The following TRMO variants were observed in gnomAD, a reference collection of about 807,000 sequenced individuals.
The protein encoded by TRMO is tRNA (adenine(37)-N6)-methyltransferase.
TRMO carries 30 observed loss-of-function variants against 37.2 expected under a neutral mutation model. The observed-to-expected ratio is 0.81, with a 90% CI of 0.60 to 1.09. The LOEUF is 1.09. Ranked by LOEUF, TRMO falls within the 50% of genes least tolerant of loss-of-function variation. TRMO has a pLI of 0.00. For synonymous variants in TRMO, 239 were observed against 199.4 expected (o/e 1.20, Z -1.67); for missense variants, 552 against 549.5 (o/e 1.00, Z -0.05).
At chr9:97,919,111 A>G (rs1207105133) in intron 1 of TRMO, among the ~76,000 whole-genome samples, 1 of 152,164 alleles carries the variant, frequency 6.6e-6, no homozygotes, top group Non-Finnish European at 1.5e-5. Flanking sequence ...CATTGTTTTT[A>G]GTTTTTTGTT....
In TRMO at chr9:97,910,174, A is replaced by G. The variant is rs769712738; in HGVS notation, c.852T>C (p.Gly284=). Residue 284 remains glycine (G), a synonymous_variant, in exon 4 of 5, where the codon GGT becomes GGC. Transcript: ENST00000375119. ...CCACTCTTTCTAGCTTCTTGTCTGT[A>G]CCTTTCTCTGAAAAGCTCTTCTCTG... ...YCPEKSFSEK[G]TDKKLERVEG... The G allele has an allele frequency of 6.2e-6, 10 of 1,613,866 alleles. No homozygotes were observed. The highest frequency in any genetic ancestry group is 7.6e-6 in the Non-Finnish European group (9 of 1,180,012).
intron 4 of TRMO, among the ~76,000 whole-genome samples, chr9:97,908,137 G>T (rs1018578795): frequency 7.9e-5 from 12 of 152,202 alleles, no homozygotes; most frequent in African/African-American, 2.9e-4. Flanking sequence ...AATAGGTTGG[G>T]CACGGTGGCT....
downstream of TRMO, chr9:97,900,614 T>G (rs1390779427): frequency 5.7e-6 from 1 of 175,048 alleles, no homozygotes; most frequent in East Asian, 1.9e-4. Flanking sequence ...CAGGCCAGAC[T>G]GGTGGGTTGG....
At chr9:97,912,984 A>G in intron 3 of TRMO, 1 of 1,230,744 alleles carries the variant, frequency 8.1e-7, no homozygotes, top group South Asian at 1.3e-5. Context: ...GGCTGCAAGG[A>G]AGGAATGATA....
intron 4 of TRMO, among the ~76,000 whole-genome samples, chr9:97,907,652 C>T (rs1175775886): frequency 1.3e-5 from 2 of 152,252 alleles, no homozygotes; most frequent in East Asian, 3.9e-4. Context: ...CAGAGATGGT[C>T]CCCTGCTCTC....
intron 1 of TRMO, among the ~76,000 whole-genome samples, chr9:97,916,854 C>A (rs922670836): frequency 1.3e-5 from 2 of 151,170 alleles, no homozygotes; most frequent in African/African-American, 4.9e-5. Flanking sequence ...TACAGGCGCC[C>A]ACCACCACGC....
At chr9:97,922,176 T>C (rs1323515799) in intron 1 of TRMO, among the ~76,000 whole-genome samples, 1 of 152,206 alleles carries the variant, frequency 6.6e-6, no homozygotes, top group African/African-American at 2.4e-5. Flanking sequence ...CTCCAGCTAC[T>C]GAGCCAAGAC....
the TRMO span, among the ~76,000 whole-genome samples, chr9:97,897,009 T>A: frequency 6.6e-6 from 1 of 152,250 alleles, no homozygotes; most frequent in African/African-American, 2.4e-5. Flanking sequence ...AGGTAACCAC[T>A]GTTAGCATAT....
At chr9:97,907,188 C>A (rs1434294367) in intron 4 of TRMO, among the ~76,000 whole-genome samples, 1 of 152,222 alleles carries the variant, frequency 6.6e-6, no homozygotes, top group African/African-American at 2.4e-5. Context: ...TCCAGAAGTG[C>A]AGGGGGTGCC....
rs1443148817 is a variant in TRMO, at chr9:97,905,064, T to C, written c.1067-72A>G. 3.3e-6 allele frequency: 5 copies of C among 1,524,990 alleles called. No individual in the cohort carries two copies. The African/African-American group carries it at 4.1e-5, about 13-fold the overall frequency. The allele number at this position is 1,524,990 out of a possible 1,614,324, so 94.5% of individuals were successfully genotyped here. ...AATTTAATTACAACAAACTTCAATA[T>C]GGAATCTGGTTGGTTCCTTAAAGAT... is the stretch of plus-strand genomic sequence containing the variant. On this transcript the variant is annotated intron_variant, in intron 4 of 4. Coordinates refer to ENST00000375119, the MANE Select transcript of TRMO (RefSeq NM_016481.5).
downstream of TRMO, among the ~76,000 whole-genome samples, chr9:97,903,973 TCAGGAGGCTGAGG>T (rs1825748583): frequency 6.6e-6 from 1 of 151,988 alleles, no homozygotes; most frequent in African/African-American, 2.4e-5. Flanking sequence ...TCCCAGCTAC[TCAGGAGGCTGAGG>T]CAGGAGAATT....
At chr9:97,922,338 T>G (rs1826693150) in intron 1 of TRMO, 80 bp downstream of exon 1, 1 of 970,526 alleles carries the variant, frequency 1.0e-6, no homozygotes, top group Non-Finnish European at 1.6e-6. Flanking sequence ...ATCGTGCGTT[T>G]TACACCCCTC....
intron 1 of TRMO, among the ~76,000 whole-genome samples, chr9:97,919,864 TGG>T: frequency 6.6e-6 from 1 of 152,232 alleles, no homozygotes; most frequent in Non-Finnish European, 1.5e-5. Context: ...AGCAATGAAC[TGG>T]AAGTATACTC....
intron 2 of TRMO, 149 bp downstream of exon 2, chr9:97,916,015 T>A: frequency 1.8e-6 from 1 of 544,678 alleles, no homozygotes; most frequent in Non-Finnish European, 3.2e-6. Flanking sequence ...TACTCCAACC[T>A]GGGTGACAGA....
chr9:97,901,742 C>T (rs1831174032), downstream of TRMO, among the ~76,000 whole-genome samples: 1 of 134,878 alleles, frequency 7.4e-6, no homozygotes, highest in Admixed American at 7.7e-5. Context: ...TGGATGGTTG[C>T]CTGCTCTCAA....
In TRMO at chr9:97,916,085, A is replaced by G. The variant is rs1587839942; in HGVS notation, c.251+79T>C. 3 of 1,051,560 alleles carry G rather than the reference A, an allele frequency of 2.9e-6. No individual in the cohort carries two copies. In the East Asian group the frequency reaches 7.5e-5, roughly 26 times the overall value. The allele number at this position is 1,051,560 out of a possible 1,614,324, so 65.1% of individuals were successfully genotyped here. A position where few individuals can be genotyped will look rare whatever the true frequency, so the allele number is the denominator to read the frequency against. ...AGGGTGGTCTGGATGGCAGACTCCA[A>G]GGTTGCCTTCAACTAGAGTACTTTA... On this transcript the variant is annotated intron_variant, in intron 2 of 4. Coordinates refer to ENST00000375119, the MANE Select transcript of TRMO (RefSeq NM_016481.5).
At chr9:97,900,745 T>C, downstream of TRMO, 2 of 980,574 alleles carry the variant, frequency 2.0e-6, no homozygotes, top group Non-Finnish European at 2.4e-6. Context: ...CAGGCTTTCA[T>C]TTTTATTGAG....
intron 1 of TRMO, among the ~76,000 whole-genome samples, chr9:97,918,758 G>A (rs903788325): frequency 1.3e-5 from 2 of 152,042 alleles, no homozygotes; most frequent in African/African-American, 4.8e-5. Flanking sequence ...ATGAAACCCC[G>A]TGTATACACC....
At chr9:97,921,991 G>C (rs1826663904) in intron 1 of TRMO, among the ~76,000 whole-genome samples, 2 of 152,116 alleles carry the variant, frequency 1.3e-5, no homozygotes, top group South Asian at 4.1e-4. Context: ...GTCTTTCTAG[G>C]CCCAATTTAA....
Sources: gnomAD v4.1 joint callset for allele counts (sites outside exome capture counted in the v4.1 genomes callset) on GRCh38, gnomAD v4.1.1 for gene constraint, MANE v1.5 for transcripts, NCBI Gene and HGNC (gene_info 2026-07-23, HGNC 2026-07-21) for gene names.